The following MACF1 variants were observed in gnomAD, a reference collection of about 807,000 sequenced individuals.
The protein encoded by MACF1 is microtubule actin crosslinking factor 1.
A neutral mutation model predicts 854.8 loss-of-function variants in MACF1; 193 were observed. That is an observed-to-expected ratio of 0.23 (90% CI 0.20 to 0.25). MACF1 has a LOEUF of 0.25. Among genes scored for constraint, MACF1 ranks in the 10% least tolerant of loss-of-function variants. The pLI is 1.00. For missense variants in MACF1, 7,722 were observed against 8,929.1 expected, an observed-to-expected ratio of 0.86 and a Z score of 5.45; for synonymous variants, 3,185 against 3,226.7, an observed-to-expected ratio of 0.99 and a Z score of 0.44.
chr1:39,121,318 A>G (rs1351545438), intron 2 of MACF1, among the ~76,000 whole-genome samples: 1 of 152,170 alleles, frequency 6.6e-6, no homozygotes, highest in Admixed American at 6.5e-5. Flanking sequence ...CCTTTATGTG[A>G]TTTGGTACTA....
intron 6 of MACF1, among the ~76,000 whole-genome samples, chr1:39,260,875 T>C (rs1360792222): frequency 1.3e-5 from 2 of 152,148 alleles, no homozygotes; most frequent in Non-Finnish European, 2.9e-5. Context: ...ACAACAGTAA[T>C]GTGGTTACTT....
chr1:39,345,552 A>G (rs1206611302), intron 40 of MACF1, among the ~76,000 whole-genome samples: 2 of 152,206 alleles, frequency 1.3e-5, no homozygotes, highest in East Asian at 3.8e-4. Context: ...TCCAGGCTGC[A>G]TTGAGTTTTG....
chr1:39,310,977 G>A lies in MACF1; in HGVS notation c.3247G>A (p.Ala1083Thr), dbSNP rs1204564096. The A allele has an allele frequency of 1.2e-6, 2 of 1,613,600 alleles. No individual in the cohort carries two copies. The highest frequency in any genetic ancestry group is 3.3e-5 in the Admixed American group (2 of 59,878). ...TGACAGAGATGCCTGGCAGGACAAT[G>A]CATTAAGGATTGCAGAGCAAGAGGT... ...RTDRDAWQDN[A>T]LRIAEQEHTQ... Residue 1083 changes from alanine to threonine, a missense_variant, in exon 26 of 101, where the codon GCA (alanine) becomes ACA (threonine). Around this residue, in one of 15 missense-constraint regions of MACF1, gnomAD observed 1,137 missense variants for 1,263.0 expected, o/e 0.90. Coordinates refer to ENST00000564288, the MANE Select transcript of MACF1 (RefSeq NM_001394062.1).
intron 2 of MACF1, among the ~76,000 whole-genome samples, chr1:39,173,351 A>AAAATG (rs1553155692): frequency 1.6e-5 from 2 of 126,248 alleles, no homozygotes; most frequent in East Asian, 4.4e-4. Context: ...AAAAAAAAAA[A>AAAATG]AAAGAAAGAA....
At chr1:39,324,802 A>G (rs1479026949) in intron 35 of MACF1, 68 bp downstream of exon 35, 2 of 1,194,160 alleles carry the variant, frequency 1.7e-6, no homozygotes, top group Non-Finnish European at 2.5e-6. Flanking sequence ...ACTTACAGCC[A>G]TAATGAGATT....
rs750519919 is a variant in MACF1, at chr1:39,429,849, G to C, written c.16911G>C (p.Gln5637His). 21 of 1,613,916 alleles carry C rather than the reference G, an allele frequency of 1.3e-5. No homozygotes were observed. Among genetic ancestry groups the C allele is most frequent in the Non-Finnish European group, 1.6e-5 (19 of 1,179,954 alleles). Reference sequence around the variant, plus strand: ...TAGGTGAGGAGGTGTTACTTATCCAGGAAAAACTAGATGGTATAAAGACTC... The same window carrying C: ...TAGGTGAGGAGGTGTTACTTATCCACGAAAAACTAGATGGTATAAAGACTC... ...QTTGEEVLLI[Q>H]EKLDGIKTRY... The change falls in exon 65 of 101, where the codon CAG (glutamine) becomes CAC (histidine). Residue 5637 changes from glutamine (Q) to histidine (H), a missense_variant. Coordinates refer to ENST00000564288, the MANE Select transcript of MACF1 (RefSeq NM_001394062.1).
chr1:39,350,985 A>C lies in MACF1; in HGVS notation c.11166A>C (p.Ala3722=). 1.2e-6 allele frequency: 2 copies of C among 1,614,172 alleles called. No homozygotes were observed. The highest frequency in any genetic ancestry group is 2.2e-5 in the South Asian group (2 of 91,074). The part of the protein sequence containing the change: ...TRVAQKELEE[A]VTSALQQETE... ...TGGCCCAGAAGGAACTGGAGGAAGC[A>C]GTGACCTCCGCCTTACAGCAGGAGA... The change falls in exon 43 of 101, where the codon GCA becomes GCC. Residue 3722 remains alanine (A), a synonymous_variant. Transcript: ENST00000564288.
intron 95 of MACF1, among the ~76,000 whole-genome samples, chr1:39,466,202 AAAC>A (rs1373622273): frequency 6.6e-6 from 1 of 152,196 alleles, no homozygotes; most frequent in East Asian, 1.9e-4. Context: ...TAAAAGGTGG[AAAC>A]AACAGTTACT....
intron 2 of MACF1, among the ~76,000 whole-genome samples, chr1:39,106,998 TGTG>T (rs1055903058): frequency 9.9e-5 from 15 of 152,010 alleles, no homozygotes; most frequent in African/African-American, 3.6e-4. Flanking sequence ...TTTTAAGAAA[TGTG>T]GTTCATTTCA....
At chr1:39,356,652 T>A (rs1309936116) in intron 44 of MACF1, among the ~76,000 whole-genome samples, 1 of 152,208 alleles carries the variant, frequency 6.6e-6, no homozygotes, top group Non-Finnish European at 1.5e-5. Flanking sequence ...ATTACAGACA[T>A]GAGCCACCAT....
rs953276172 is a variant in MACF1 at position 39,310,750 on chromosome 1, C to T, written c.3101-81C>T. On this transcript the variant is annotated intron_variant, in intron 25 of 100. Coordinates refer to ENST00000564288, the MANE Select transcript of MACF1 (RefSeq NM_001394062.1). ...TAGGCAGAAGATTCCCTAAATAAAGCCTTGCTTTCATTAGTAGGATATCAG... is the reference window on the plus strand; with the variant it reads ...TAGGCAGAAGATTCCCTAAATAAAGTCTTGCTTTCATTAGTAGGATATCAG... 70 of 1,353,744 alleles carry T rather than the reference C, an allele frequency of 5.2e-5. No homozygotes were observed. In the Admixed American group the frequency reaches 1.7e-3, roughly 32 times the overall value. The allele number at this position is 1,353,744 out of a possible 1,614,324, so 83.9% of individuals were successfully genotyped here.
chr1:39,330,636 A>G (rs903776548), intron 36 of MACF1, among the ~76,000 whole-genome samples: 4 of 152,144 alleles, frequency 2.6e-5, no homozygotes, highest in East Asian at 1.9e-4. Context: ...TAATGCCACT[A>G]TCTCTCAAGT....
At chr1:39,150,640 C>T (rs1643560531) in intron 2 of MACF1, among the ~76,000 whole-genome samples, 1 of 152,102 alleles carries the variant, frequency 6.6e-6, no homozygotes, top group South Asian at 2.1e-4. Context: ...TTTTAGCTTC[C>T]AACCCTCTCT....
At chr1:39,171,201 GTT>G (rs1553155016) in intron 2 of MACF1, among the ~76,000 whole-genome samples, 1 of 103,272 alleles carries the variant, frequency 9.7e-6, no homozygotes, top group South Asian at 4.3e-4. Flanking sequence ...TAATCTTTCT[GTT>G]TGTGTGTGTG....
chr1:39,369,039 A>G (rs539064846), intron 50 of MACF1, among the ~76,000 whole-genome samples: 9 of 114,718 alleles, frequency 7.8e-5, no homozygotes, highest in African/African-American at 2.9e-4. Context: ...GGGTCTTGCT[A>G]TGTTGACCAG....
intron 2 of MACF1, among the ~76,000 whole-genome samples, chr1:39,100,968 C>T (rs1642058665): frequency 6.6e-6 from 1 of 152,060 alleles, no homozygotes; most frequent in African/African-American, 2.4e-5. Context: ...GCCATGTTAC[C>T]CAGGCTGGTC....
At chr1:39,212,228 G>T (rs1288266228) in intron 1 of MACF1, among the ~76,000 whole-genome samples, 1 of 152,096 alleles carries the variant, frequency 6.6e-6, no homozygotes, top group African/African-American at 2.4e-5. Context: ...AAAAGAAGGG[G>T]AATGGCTCGG....
chr1:39,405,451 T>A (rs984939115), intron 58 of MACF1, among the ~76,000 whole-genome samples: 1 of 152,222 alleles, frequency 6.6e-6, no homozygotes, highest in African/African-American at 2.4e-5. Flanking sequence ...TAAGGCATCA[T>A]AGAATCTAGG....
At chr1:39,111,524 A>G (rs1271262667) in intron 2 of MACF1, among the ~76,000 whole-genome samples, 2 of 151,874 alleles carry the variant, frequency 1.3e-5, no homozygotes, top group African/African-American at 4.8e-5. Flanking sequence ...CTGGGACTAC[A>G]GGCGCCCACC....
Sources: allele counts gnomAD v4.1 joint callset (sites outside exome capture counted in the v4.1 genomes callset), GRCh38; gene constraint gnomAD v4.1.1; regional missense constraint gnomAD v4.1.1; transcripts MANE v1.5; gene names NCBI Gene and HGNC (gene_info 2026-07-23, HGNC 2026-07-21).